LRRC4C: variants seen among roughly 807,000 people sequenced by gnomAD.
The protein encoded by LRRC4C is leucine rich repeat containing 4C.
In LRRC4C, 5 loss-of-function variants were observed where a neutral mutation model predicts 33.6. That is an observed-to-expected ratio of 0.15 (90% CI 0.08 to 0.31). The LOEUF is 0.31. LRRC4C is among the 10% of genes least tolerant of loss of function. The pLI, the probability that LRRC4C is intolerant of heterozygous loss-of-function variation, is 1.00. For missense variants in LRRC4C, 560 were observed against 796.7 expected (o/e 0.70, Z 3.58); for synonymous variants, 329 against 302.0 (o/e 1.09, Z -0.93).
At chr11:41,123,617 T>A (rs1472927746) in intron 1 of LRRC4C, among the ~76,000 whole-genome samples, 4 of 152,112 alleles carry the variant, frequency 2.6e-5, no homozygotes, top group African/African-American at 9.7e-5. Flanking sequence ...TCTAGCTTTG[T>A]CCTCAGAAGA....
chr11:40,228,720 T>G (rs1864985842), intron 5 of LRRC4C, among the ~76,000 whole-genome samples: 1 of 152,228 alleles, frequency 6.6e-6, no homozygotes, highest in Non-Finnish European at 1.5e-5. Flanking sequence ...TTCAAGAGGT[T>G]TATGTTTGTG....
intron 2 of LRRC4C, among the ~76,000 whole-genome samples, chr11:40,654,225 G>A (rs1942975327): frequency 1.3e-5 from 2 of 152,178 alleles, no homozygotes; most frequent in East Asian, 3.9e-4. Flanking sequence ...GCTGTGAGAA[G>A]AGGGCCACCA....
At chr11:40,454,705 T>C (rs961085386) in intron 3 of LRRC4C, among the ~76,000 whole-genome samples, 3 of 152,226 alleles carry the variant, frequency 2.0e-5, no homozygotes, top group African/African-American at 7.2e-5. Context: ...TTCATTCCTC[T>C]CTACCCCTGC....
chr11:41,191,333 AC>A (rs1420323694), intron 1 of LRRC4C, among the ~76,000 whole-genome samples: 4 of 152,158 alleles, frequency 2.6e-5, no homozygotes, highest in Non-Finnish European at 4.4e-5. Flanking sequence ...CCATGCAAAA[AC>A]GTTCCTGATT....
chr11:41,185,396 A>G (rs995780960), intron 1 of LRRC4C, among the ~76,000 whole-genome samples: 1 of 152,234 alleles, frequency 6.6e-6, no homozygotes, highest in Non-Finnish European at 1.5e-5. Flanking sequence ...GACAAAGTAC[A>G]TATCTCCAAA....
chr11:41,369,749 G>C (rs1471099127), intron 1 of LRRC4C, among the ~76,000 whole-genome samples: 1 of 150,436 alleles, frequency 6.6e-6, no homozygotes, highest in Admixed American at 6.6e-5. Context: ...AAGGAACTTA[G>C]ATTTCATTCT....
intron 3 of LRRC4C, among the ~76,000 whole-genome samples, chr11:40,416,403 G>C (rs1392092646): frequency 6.6e-6 from 1 of 152,106 alleles, no homozygotes; most frequent in Non-Finnish European, 1.5e-5. Context: ...TCCAGGCAGA[G>C]GGTCAGATAC....
intron 5 of LRRC4C, among the ~76,000 whole-genome samples, chr11:40,231,865 C>T (rs1562982): frequency 0.76 from 116,215 of 152,190 alleles, 48,764 homozygotes; most frequent in East Asian, 0.96. Context: ...GTATCTTTTT[C>T]TATTTCAATT....
At chr11:40,810,030 A>G (rs1229329852) in intron 2 of LRRC4C, among the ~76,000 whole-genome samples, 1 of 152,158 alleles carries the variant, frequency 6.6e-6, no homozygotes, top group Non-Finnish European at 1.5e-5. Context: ...CCTCACAGCA[A>G]ATATTTTTAA....
chr11:40,488,238 T>C lies in LRRC4C; in HGVS notation c.-270+159904A>G, dbSNP rs78331433. On this transcript the variant is annotated intron_variant, in intron 3 of 6. Coordinates refer to ENST00000528697, the MANE Select transcript of LRRC4C (RefSeq NM_001258419.2). Reference sequence around the variant, plus strand: ...GGATTTCCAATTCTTCTGGCTTAACTCAAACCATTCGAAATCAAAAGCACG... The same window carrying C: ...GGATTTCCAATTCTTCTGGCTTAACCCAAACCATTCGAAATCAAAAGCACG... Among the ~76,000 whole-genome samples the C allele has an allele frequency of 1.8e-4, 27 of 152,108 alleles. 1 individual carries two copies. The East Asian group carries it at 5.2e-3, about 29-fold the overall frequency.
At chr11:41,121,848 T>A (rs1453583522) in intron 1 of LRRC4C, among the ~76,000 whole-genome samples, 1 of 152,008 alleles carries the variant, frequency 6.6e-6, no homozygotes, top group Non-Finnish European at 1.5e-5. Flanking sequence ...CCTAGGCAGA[T>A]CAATAATTTC....
At chr11:40,117,274 A>G (rs902141271) in intron 6 of LRRC4C, among the ~76,000 whole-genome samples, 1 of 152,194 alleles carries the variant, frequency 6.6e-6, no homozygotes, top group South Asian at 2.1e-4. Context: ...AGCACTGGCA[A>G]CTTAATTTAT....
chr11:41,157,048 T>C lies in LRRC4C; in HGVS notation c.-495-223325A>G, dbSNP rs143994030. ...GAACAGCATTCCTCCCCTCTGGAAC[T>C]CCCATCTTGAAAGAGGAGAGACAGG... On this transcript the variant is annotated intron_variant, in intron 1 of 6. Transcript: ENST00000528697. Among the ~76,000 whole-genome samples the C allele has an allele frequency of 6.2e-3, 937 of 152,106 alleles. 15 individuals are homozygous for C. Among genetic ancestry groups the C allele is most frequent in the African/African-American group, 0.021 (889 of 41,508 alleles).
chr11:41,320,387 G>A (rs916101522), intron 1 of LRRC4C, among the ~76,000 whole-genome samples: 3 of 152,100 alleles, frequency 2.0e-5, no homozygotes, highest in Non-Finnish European at 4.4e-5. Flanking sequence ...CAGTCAAAAG[G>A]TCAAGTTTTT....
At chr11:40,940,999 T>C (rs1958118057) in intron 1 of LRRC4C, among the ~76,000 whole-genome samples, 1 of 151,656 alleles carries the variant, frequency 6.6e-6, no homozygotes. Flanking sequence ...AGATAATATA[T>C]TTAAAAATTC....
intron 4 of LRRC4C, among the ~76,000 whole-genome samples, chr11:40,283,164 A>G (rs2136468122): frequency 6.6e-6 from 1 of 152,334 alleles, no homozygotes. Flanking sequence ...TAAGCCTATG[A>G]GAAGCTATGC....
At chr11:40,280,250 G>A (rs535504449) in intron 4 of LRRC4C, among the ~76,000 whole-genome samples, 3 of 152,350 alleles carry the variant, frequency 2.0e-5, no homozygotes, top group Admixed American at 2.0e-4. Flanking sequence ...TGGGACTGAA[G>A]GCTTTAATAC....
chr11:41,170,142 C>A (rs1313712848), intron 1 of LRRC4C, among the ~76,000 whole-genome samples: 1 of 152,008 alleles, frequency 6.6e-6, no homozygotes, highest in Admixed American at 6.6e-5. Flanking sequence ...GTTTATTTTC[C>A]AAAACTATCA....
chr11:40,445,860 A>G (rs1014011361), intron 3 of LRRC4C: 1 of 152,214 alleles, frequency 6.6e-6, no homozygotes, highest in Non-Finnish European at 1.5e-5. Context: ...GAGTTATCTG[A>G]TGTCTAGTGG....
Sources: allele counts gnomAD v4.1 joint callset (sites outside exome capture counted in the v4.1 genomes callset), GRCh38; gene constraint gnomAD v4.1.1; transcripts MANE v1.5; gene names NCBI Gene and HGNC (gene_info 2026-07-23, HGNC 2026-07-21).